LRRC37A2: variants seen among roughly 807,000 people sequenced by gnomAD.
LRRC37A2 encodes leucine-rich repeat-containing protein 37A2.
A neutral mutation model predicts 68.8 loss-of-function variants in LRRC37A2; 9 were observed. The ratio of observed to expected loss-of-function variants is 0.13; its 90% CI spans 0.08 to 0.23. The LOEUF (loss-of-function observed/expected upper bound fraction) is 0.23. LRRC37A2 is among the 10% of genes least tolerant of loss of function. The pLI, the probability that LRRC37A2 is intolerant of heterozygous loss-of-function variation, is 1.00. For missense variants in LRRC37A2, 168 were observed against 950.4 expected, an observed-to-expected ratio of 0.18 and a Z score of 10.82; for synonymous variants, 63 against 367.6, an observed-to-expected ratio of 0.17 and a Z score of 9.48.
the LRRC37A2 span, among the ~76,000 whole-genome samples, chr17:46,800,225 C>T: frequency 6.6e-6 from 1 of 152,180 alleles, no homozygotes; most frequent in East Asian, 1.9e-4. Flanking sequence ...ATTCTCCTGC[C>T]TTAGCCTCCC....
rs779500864 is a variant in LRRC37A2 at position 46,548,779 on chromosome 17, G to C, written c.3640G>C (p.Val1214Leu). 123 of 1,611,406 alleles carry C rather than the reference G, an allele frequency of 7.6e-5. 3 individuals carry two copies. The highest frequency in any genetic ancestry group is 7.2e-4 in the Middle Eastern group (4 of 5,590). Residue 1214 changes from valine (V) to leucine (L), a missense_variant, in exon 10 of 15, where the codon GTG becomes CTG. Transcript: ENST00000576629. The stretch of plus-strand genomic sequence containing the variant: ...GCTCGGGAGTCCAGCCCCAAGGGAG[G>C]TGGAACAGCCCCACACACAGCAGGG...
At chr17:46,851,819 G>C in the LRRC37A2 span, 3 of 568,852 alleles carry the variant, frequency 5.3e-6, no homozygotes, top group Non-Finnish European at 7.8e-6. The surrounding 1 kb of genome is among the most constrained non-coding windows in gnomAD (Gnocchi z 4.3). Flanking sequence ...TGGCCCCGCC[G>C]AGGTCTCGAA....
the LRRC37A2 span, among the ~76,000 whole-genome samples, chr17:46,838,683 C>T: frequency 6.6e-6 from 1 of 151,974 alleles, no homozygotes; most frequent in Non-Finnish European, 1.5e-5. Context: ...TACATATACA[C>T]ACACATCCAC....
At chr17:47,028,533 T>C in the LRRC37A2 span, among the ~76,000 whole-genome samples, 1 of 152,190 alleles carries the variant, frequency 6.6e-6, no homozygotes, top group Non-Finnish European at 1.5e-5. Context: ...GAGACTTACA[T>C]AGCTTATATA....
At position 46,513,194 on chromosome 17, in the gene LRRC37A2, CT is replaced by C. The variant is rs749668307; in HGVS notation, c.483del (p.Glu162ArgfsTer40). On this transcript the variant is annotated frameshift_variant, in exon 2 of 15. Coordinates refer to ENST00000576629, the Ensembl canonical transcript of LRRC37A2. LOFTEE classifies it high-confidence loss of function. Reference sequence around the variant, plus strand: ...GATCCAGCTCAGCGTTGGAGCCTTGCTGAGATTATTGGAATTACACGCCAAT... The same window carrying C: ...GATCCAGCTCAGCGTTGGAGCCTTGCGAGATTATTGGAATTACACGCCAAT... The C allele has an allele frequency of 1.3e-6, 1 of 791,274 alleles. No homozygotes were observed. Among genetic ancestry groups the C allele is most frequent in the Non-Finnish European group, 1.9e-6 (1 of 520,070 alleles). The allele number at this position is 791,274 out of a possible 1,614,324, so 49.0% of individuals were successfully genotyped here.
chr17:46,839,976 C>CTTTCTTTTTTCTT, the LRRC37A2 span, among the ~76,000 whole-genome samples: 1 of 100,936 alleles, frequency 9.9e-6, no homozygotes, highest in Non-Finnish European at 2.1e-5. Flanking sequence ...TTCTTTCTTT[C>CTTTCTTTTTTCTT]TCTTCTTTCT....
chr17:46,760,313 A>G, the LRRC37A2 span, among the ~76,000 whole-genome samples: 1 of 152,094 alleles, frequency 6.6e-6, no homozygotes, highest in Non-Finnish European at 1.5e-5. Context: ...AATAGGGACC[A>G]TTTAAATATT....
the LRRC37A2 span, among the ~76,000 whole-genome samples, chr17:46,989,990 T>C: frequency 6.6e-6 from 1 of 152,232 alleles, no homozygotes; most frequent in African/African-American, 2.4e-5. Context: ...TGTTAAGCCA[T>C]TCCGTTTTGG....
At chr17:46,949,705 C>T in the LRRC37A2 span, among the ~76,000 whole-genome samples, 1 of 152,198 alleles carries the variant, frequency 6.6e-6, no homozygotes, top group African/African-American at 2.4e-5. Context: ...TATCTACTTA[C>T]CCTGGAACCC....
the LRRC37A2 span, among the ~76,000 whole-genome samples, chr17:46,758,088 C>G: frequency 6.6e-6 from 1 of 152,196 alleles, no homozygotes; most frequent in East Asian, 1.9e-4. Flanking sequence ...ATTAGAATTA[C>G]TCCTTTCTGT....
At chr17:46,721,110 G>A in the LRRC37A2 span, among the ~76,000 whole-genome samples, 2 of 152,144 alleles carry the variant, frequency 1.3e-5, no homozygotes, top group Non-Finnish European at 2.9e-5. Context: ...GCAGAGCCCC[G>A]CTTCTCCTGT....
the LRRC37A2 span, among the ~76,000 whole-genome samples, chr17:46,685,395 C>A: frequency 1.1e-4 from 16 of 151,694 alleles, no homozygotes; most frequent in African/African-American, 3.9e-4. Flanking sequence ...CTAATGACCT[C>A]ATGCAGGATA....
chr17:46,912,090 C>T, the LRRC37A2 span, among the ~76,000 whole-genome samples: 1 of 152,146 alleles, frequency 6.6e-6, no homozygotes, highest in South Asian at 2.1e-4. Flanking sequence ...CATCCTCCCC[C>T]TGCAGCTTCC....
the LRRC37A2 span, chr17:46,711,157 G>A: frequency 1.4e-6 from 2 of 1,452,358 alleles, no homozygotes; most frequent in Admixed American, 5.8e-5. Context: ...AAAGTTAAAG[G>A]AAAAAAAGCA....
chr17:46,935,691 C>CTCTAAT, the LRRC37A2 span: 1 of 989,280 alleles, frequency 1.0e-6, no homozygotes, highest in East Asian at 1.1e-4. Flanking sequence ...GCTTCTAAAG[C>CTCTAAT]CCGTGCTGGT....
the LRRC37A2 span, among the ~76,000 whole-genome samples, chr17:46,849,897 G>A: frequency 6.7e-6 from 1 of 149,464 alleles, no homozygotes; most frequent in Non-Finnish European, 1.5e-5. Context: ...GCCCAGGCCA[G>A]AGTGCAATGG....
chr17:46,940,375 T>G, the LRRC37A2 span: 1 of 1,519,222 alleles, frequency 6.6e-7, no homozygotes. Flanking sequence ...AAGCAGTGAC[T>G]GGAGGGTGGA....
the LRRC37A2 span, chr17:46,966,838 C>T: frequency 2.4e-6 from 1 of 420,572 alleles, no homozygotes; most frequent in African/African-American, 2.0e-5. Flanking sequence ...GTGCTTCACA[C>T]CATTCCTGGC....
the LRRC37A2 span, among the ~76,000 whole-genome samples, chr17:46,753,178 T>A: frequency 1.4e-4 from 22 of 152,360 alleles, 1 homozygote; most frequent in East Asian, 4.2e-3. Flanking sequence ...TAGGTCCATC[T>A]AGGTGGACAG....
Sources: allele counts gnomAD v4.1 joint callset (sites outside exome capture counted in the v4.1 genomes callset), GRCh38; gene constraint gnomAD v4.1.1; non-coding constraint Gnocchi (gnomAD v3.1); transcripts MANE v1.5; gene names NCBI Gene and HGNC (gene_info 2026-07-23, HGNC 2026-07-21).